Variants in HELZ observed in about 807,000 individuals in gnomAD.
The protein encoded by HELZ is helicase with zinc finger, also known as ATP-dependent RNA helicase with zinc finger domain.
HELZ carries 23 observed loss-of-function variants against 218.2 expected under a neutral mutation model. The ratio of observed to expected loss-of-function variants is 0.11; its 90% confidence interval spans 0.08 to 0.15. HELZ has a LOEUF of 0.15. HELZ is among the 10% of genes least tolerant of loss of function. HELZ has a pLI of 1.00. For synonymous variants in HELZ, 814 were observed against 829.4 expected, an observed-to-expected ratio of 0.98 and a Z score of 0.32; for missense variants, 1,813 against 2,353.7, an observed-to-expected ratio of 0.77 and a Z score of 4.75.
rs1026684335 is a variant in HELZ, at chr17:67,075,615, G to A, written c.*2637C>T. 9.9e-5 allele frequency: 15 copies of A among 152,180 alleles called. No individual in the cohort carries two copies. The highest frequency in any genetic ancestry group is 3.1e-4 in the African/African-American group (13 of 41,434). The allele number at this position is 152,180 out of a possible 1,614,324, so 9.4% of individuals were successfully genotyped here. A position where few individuals can be genotyped will look rare whatever the true frequency, so the allele number is the denominator to read the frequency against. ...ACTTGCAATGATTCTTACACAAGAC[G>A]TGTTCAAAATGTTATAAGATACTAT... On this transcript the variant is annotated 3_prime_UTR_variant, in exon 33 of 33. Transcript: ENST00000358691.
At chr17:67,186,371 A>G (rs2039756500) in intron 12 of HELZ, among the ~76,000 whole-genome samples, 1 of 152,146 alleles carries the variant, frequency 6.6e-6, no homozygotes, top group Non-Finnish European at 1.5e-5. Context: ...CGTGAAGCCC[A>G]GAGAAGTTAA....
intron 17 of HELZ, among the ~76,000 whole-genome samples, chr17:67,156,924 C>G (rs989498473): frequency 2.0e-5 from 3 of 152,122 alleles, no homozygotes; most frequent in Non-Finnish European, 4.4e-5. Context: ...TGGGAGGTGT[C>G]TGAATCATGG....
In HELZ at chr17:67,136,044, A is replaced by G. The variant is rs780555290; in HGVS notation, c.3108T>C (p.Thr1036=). ...CCAGGGATTGTGCTCTTGTGATGGC[A>G]GTATTGAGAAGCTTGTAGTTAGATA... The part of the protein sequence containing the change: ...GFLSNYKLLN[T]AITRAQSLVA... Residue 1036 remains threonine, a synonymous_variant, in exon 23 of 33, where the codon ACT becomes ACC. Coordinates refer to ENST00000358691, the MANE Select transcript of HELZ (RefSeq NM_014877.4). 1.2e-6 allele frequency: 2 copies of G among 1,613,970 alleles called. No homozygotes were observed. Among genetic ancestry groups the G allele is most frequent in the Non-Finnish European group, 1.7e-6 (2 of 1,179,920 alleles).
Position 67,190,310 on chromosome 17 carries a change from T to C in HELZ, c.603A>G (p.Ser201=), listed in dbSNP as rs1352028722. ...CTGCTAGTTCTTCCTGGGAATGTGC[T>C]GAAGTACACTGGGCACCATACCTAC... The part of the protein sequence containing the change: ...GICRYGAQCT[S]AHSQEELAEW... Residue 201 remains serine, a synonymous_variant, in exon 10 of 33, where the codon TCA becomes TCG. Transcript: ENST00000358691. 1.2e-6 allele frequency: 2 copies of C among 1,614,062 alleles called. No homozygotes were observed. Among genetic ancestry groups the C allele is most frequent in the Non-Finnish European group, 8.5e-7 (1 of 1,179,910 alleles).
At chr17:67,145,364 T>C (rs537988399) in intron 21 of HELZ, among the ~76,000 whole-genome samples, 163 of 152,344 alleles carry the variant, frequency 1.1e-3, no homozygotes, top group African/African-American at 3.6e-3. Flanking sequence ...CTTTGGAGCA[T>C]AGAATTCTGC....
chr17:67,075,821 T>C lies in HELZ; in HGVS notation c.*2431A>G, dbSNP rs1006992591. On this transcript the variant is annotated 3_prime_UTR_variant, in exon 33 of 33. Coordinates refer to ENST00000358691, the MANE Select transcript of HELZ (RefSeq NM_014877.4). ...AAATAAGGAATGAGAAGTACTCATA[T>C]ACTCACAGCAGAGCGGTGGGCCAAT... is the stretch of plus-strand genomic sequence containing the variant. The C allele has an allele frequency of 7.2e-5, 11 of 152,624 alleles. No homozygotes were observed. The highest frequency in any genetic ancestry group is 2.7e-4 in the African/African-American group (11 of 41,450). 9.5% of individuals were successfully genotyped at this position (152,624 alleles called of 1,614,324 possible).
At chr17:67,089,698 G>C (rs1468446904) in intron 31 of HELZ, among the ~76,000 whole-genome samples, 6 of 139,504 alleles carry the variant, frequency 4.3e-5, no homozygotes, top group Non-Finnish European at 7.6e-5. Flanking sequence ...GAGAGAGAGA[G>C]AGACAGAGAG....
intron 12 of HELZ, 30 bp from the exon 13 acceptor site, chr17:67,178,956 A>G: frequency 6.8e-7 from 1 of 1,480,474 alleles, no homozygotes; most frequent in Non-Finnish European, 9.2e-7. Flanking sequence ...ACATTTATAA[A>G]GAAACAGAAC....
At chr17:67,222,892 A>C (rs1374423044) in intron 3 of HELZ, among the ~76,000 whole-genome samples, 1 of 152,054 alleles carries the variant, frequency 6.6e-6, no homozygotes, top group African/African-American at 2.4e-5. Context: ...ACATCGATAC[A>C]TCTGTATCTA....
chr17:67,117,787 G>A (rs988950861), intron 27 of HELZ, among the ~76,000 whole-genome samples: 1 of 151,930 alleles, frequency 6.6e-6, no homozygotes, highest in African/African-American at 2.4e-5. Flanking sequence ...TTGACCTCAG[G>A]TAATCTGCCC....
chr17:67,171,822 CTTTTG>C lies in HELZ; in HGVS notation c.1431-4031_1431-4027del, dbSNP rs919647634. Among the ~76,000 whole-genome samples, 7 of 149,962 alleles carry C rather than the reference CTTTTG, an allele frequency of 4.7e-5. No homozygotes were observed. In the East Asian group the frequency reaches 9.8e-4, roughly 21 times the overall value. On this transcript the variant is annotated intron_variant, in intron 13 of 32. Coordinates refer to ENST00000358691, the MANE Select transcript of HELZ (RefSeq NM_014877.4). ...TTAACCAAATACTTTTGTCCTCCTT[CTTTTG>C]TTTTGTTTTGTTTTTTTTTTTGAGA... is the stretch of plus-strand genomic sequence containing the variant.
chr17:67,093,444 G>C (rs2036633540), intron 31 of HELZ, among the ~76,000 whole-genome samples: 1 of 152,136 alleles, frequency 6.6e-6, no homozygotes, highest in Non-Finnish European at 1.5e-5. Context: ...TATCAAAAAA[G>C]ATTAATAATA....
At chr17:67,190,681 C>T (rs1442299444) in intron 9 of HELZ, among the ~76,000 whole-genome samples, 2 of 152,032 alleles carry the variant, frequency 1.3e-5, no homozygotes, top group African/African-American at 2.4e-5. Context: ...TAGACAATTC[C>T]TCTTAGTGTA....
intron 12 of HELZ, among the ~76,000 whole-genome samples, chr17:67,186,912 C>A (rs947044991): frequency 1.1e-4 from 16 of 152,264 alleles, no homozygotes; most frequent in African/African-American, 3.9e-4. Context: ...CTTACTAGTT[C>A]AGGGGTAGGC....
intron 25 of HELZ, among the ~76,000 whole-genome samples, 168 bp from the exon 26 acceptor site, chr17:67,123,328 A>T (rs887188987): frequency 1.6e-4 from 25 of 151,946 alleles, no homozygotes; most frequent in Non-Finnish European, 2.2e-4. Flanking sequence ...AAAAAAAAAA[A>T]TTTTTATAAT....
intron 12 of HELZ, among the ~76,000 whole-genome samples, chr17:67,187,950 A>T (rs1223168322): frequency 6.6e-6 from 1 of 152,226 alleles, no homozygotes; most frequent in Non-Finnish European, 1.5e-5. Context: ...ACATGAAAAT[A>T]AACATTGTAG....
At chr17:67,132,395 G>GCCT (rs2143915333) in intron 23 of HELZ, among the ~76,000 whole-genome samples, 1 of 152,300 alleles carries the variant, frequency 6.6e-6, no homozygotes, top group African/African-American at 2.4e-5. Context: ...TCTCCTTTTA[G>GCCT]CCTCCTGCCA....
At chr17:67,199,892 T>C (rs1169332800) in intron 7 of HELZ, among the ~76,000 whole-genome samples, 1 of 152,138 alleles carries the variant, frequency 6.6e-6, no homozygotes, top group Non-Finnish European at 1.5e-5. Context: ...TTCTCAACTC[T>C]CAGCTCTTGG....
At chr17:67,086,662 A>ATATATATATATATT in intron 32 of HELZ, among the ~76,000 whole-genome samples, 167 bp downstream of exon 32, 1 of 139,504 alleles carries the variant, frequency 7.2e-6, no homozygotes, top group Non-Finnish European at 1.5e-5. Flanking sequence ...ATATATATAT[A>ATATATATATATATT]TAGAATCAAT....
Sources: gnomAD v4.1 joint callset for allele counts (sites outside exome capture counted in the v4.1 genomes callset) on GRCh38, gnomAD v4.1.1 for gene constraint, MANE v1.5 for transcripts, NCBI Gene and HGNC (gene_info 2026-07-23, HGNC 2026-07-21) for gene names.